Variants in MMD2 observed in about 807,000 individuals in gnomAD.
MMD2 encodes monocyte to macrophage differentiation associated 2.
MMD2 carries 30 observed loss-of-function variants against 33.5 expected under a neutral mutation model. The ratio of observed to expected loss-of-function variants is 0.90; its 90% CI spans 0.67 to 1.22. The LOEUF (loss-of-function observed/expected upper bound fraction) is 1.22, where lower values mean the gene tolerates loss of function less well. Among genes scored for constraint, MMD2 ranks in the 50% most tolerant of loss-of-function variants. The pLI is 0.00. For synonymous variants in MMD2, 129 were observed against 123.0 expected, an observed-to-expected ratio of 1.05 and a Z score of -0.32; for missense variants, 364 against 325.4, an observed-to-expected ratio of 1.12 and a Z score of -0.91.
In MMD2 at chr7:4,911,174, GC is replaced by G; in HGVS notation, c.437del (p.Gly146AlafsTer22). On this transcript the variant is annotated frameshift_variant, in exon 5 of 7. Transcript: ENST00000401401. LOFTEE classifies it high-confidence loss of function. ...RWLVWIMASV[G>X]TIYVFFFHER... is the part of the protein sequence containing the mutation. ...CATGGAAGAAGAAGACATAGATGGT[GC>G]CCACGGAAGCCATAATCCAGACCAG... is the stretch of plus-strand genomic sequence containing the variant. The G allele has an allele frequency of 6.3e-7, 1 of 1,594,234 alleles. No homozygotes were observed. The highest frequency in any genetic ancestry group is 8.5e-7 in the Non-Finnish European group (1 of 1,171,382).
In MMD2 at chr7:4,907,169, T is replaced by C. The variant is rs149055656; in HGVS notation, c.*227A>G. On this transcript the variant is annotated 3_prime_UTR_variant, in exon 7 of 7. Coordinates refer to ENST00000401401, the MANE Select transcript of MMD2 (RefSeq NM_198403.4). ...TGTATTAGGAAACACTCATCTAAAA[T>C]AGAAACACATTACAGGGTTAATTTC... The C allele has an allele frequency of 3.8e-4, 204 of 543,910 alleles. 3 individuals are homozygous for C. The East Asian group carries it at 6.0e-3, about 16-fold the overall frequency. The allele number at this position is 543,910 out of a possible 1,614,324, so 33.7% of individuals were successfully genotyped here. A position where few individuals can be genotyped will look rare whatever the true frequency, so the allele number is the denominator to read the frequency against.
chr7:4,911,750 G>A (rs1583357932), intron 4 of MMD2, among the ~76,000 whole-genome samples: 1 of 151,998 alleles, frequency 6.6e-6, no homozygotes, highest in Non-Finnish European at 1.5e-5. Flanking sequence ...CCGGGTTCAA[G>A]CGATTCTCCT....
chr7:4,958,039 G>T (rs1005929091), intron 1 of MMD2, among the ~76,000 whole-genome samples: 4 of 152,106 alleles, frequency 2.6e-5, no homozygotes, highest in Admixed American at 2.0e-4. Context: ...CCACCCACTG[G>T]AGCCTCAGCA....
At chr7:4,917,823 A>C (rs1785180166) in intron 3 of MMD2, among the ~76,000 whole-genome samples, 1 of 152,204 alleles carries the variant, frequency 6.6e-6, no homozygotes, top group Non-Finnish European at 1.5e-5. Flanking sequence ...CAGCCTCCAC[A>C]ATGGTGCCAA....
rs372830197 is a variant in MMD2, at chr7:4,911,206, G to A, written c.406C>T (p.Arg136Cys). 39 of 1,601,936 alleles carry A rather than the reference G, an allele frequency of 2.4e-5. 1 individual carries two copies. The Middle Eastern group carries it at 1.3e-3, about 54-fold the overall frequency. ...RELGPWASHM[R>C]WLVWIMASVG... ...GAAGCCATAATCCAGACCAGCCAGC[G>A]CATGTGGGAGGCCCAGGGGCCCAGC... The change falls in exon 5 of 7, where the codon CGC becomes TGC. Residue 136 changes from arginine to cysteine, a missense_variant. Transcript: ENST00000401401.
intron 1 of MMD2, among the ~76,000 whole-genome samples, chr7:4,927,607 T>A (rs986590893): frequency 6.6e-6 from 1 of 152,016 alleles, no homozygotes; most frequent in African/African-American, 2.4e-5. Flanking sequence ...CTTGGGAGGC[T>A]GAGGCAGGAG....
At chr7:4,932,817 G>A (rs931765557) in intron 1 of MMD2, among the ~76,000 whole-genome samples, 2 of 151,804 alleles carry the variant, frequency 1.3e-5, no homozygotes, top group African/African-American at 4.8e-5. Flanking sequence ...GAAACAGGGG[G>A]TCTCATCATG....
intron 1 of MMD2, among the ~76,000 whole-genome samples, chr7:4,953,176 C>T (rs191207265): frequency 1.1e-3 from 162 of 151,870 alleles, no homozygotes; most frequent in African/African-American, 3.8e-3. Context: ...CTCACCTGGA[C>T]GTATTCCTAT....
At position 4,949,161 on chromosome 7, in the gene MMD2, G is replaced by T. The variant is rs199688951; in HGVS notation, c.47+9810C>A. 5.9e-5 allele frequency among the ~76,000 whole-genome samples: 9 copies of T among 151,740 alleles called. No individual in the cohort carries two copies. The East Asian group carries it at 1.7e-3, about 29-fold the overall frequency. On this transcript the variant is annotated intron_variant, in intron 1 of 6. Transcript: ENST00000401401. ...GGAGGCAAAGGTTGCAGTGAGCCGA[G>T]ATCACACAGCTGTACTCTAGCCTGG... is the stretch of plus-strand genomic sequence containing the variant.
At chr7:4,918,030 A>C (rs1338343772) in intron 3 of MMD2, among the ~76,000 whole-genome samples, 1 of 152,216 alleles carries the variant, frequency 6.6e-6, no homozygotes, top group Non-Finnish European at 1.5e-5. Flanking sequence ...GTGGCTGTGA[A>C]GACAGCCACA....
intron 1 of MMD2, among the ~76,000 whole-genome samples, chr7:4,958,618 G>C (rs1006749031): frequency 6.6e-6 from 1 of 152,194 alleles, no homozygotes; most frequent in African/African-American, 2.4e-5. Flanking sequence ...GCTGGCCTGG[G>C]CTCCAGGCGC....
chr7:4,906,693 G>T lies in MMD2; in HGVS notation c.*703C>A. 2.5e-6 allele frequency: 1 copy of T among 397,146 alleles called. No individual in the cohort carries two copies. Among genetic ancestry groups the T allele is most frequent in the Non-Finnish European group, 4.4e-6 (1 of 225,584 alleles). 24.6% of individuals were successfully genotyped at this position (397,146 alleles called of 1,614,324 possible). Reference sequence around the variant, plus strand: ...GCCTACTCCAGGAGTTTCCCAAAAGGGAGGGGGAGATGAGGAGATAGGCAT... The same window carrying T: ...GCCTACTCCAGGAGTTTCCCAAAAGTGAGGGGGAGATGAGGAGATAGGCAT... On this transcript the variant is annotated 3_prime_UTR_variant, in exon 7 of 7. Transcript: ENST00000401401.
At chr7:4,930,379 C>T (rs1300793610) in intron 1 of MMD2, among the ~76,000 whole-genome samples, 1 of 151,612 alleles carries the variant, frequency 6.6e-6, no homozygotes, top group Non-Finnish European at 1.5e-5. Context: ...GTGGCTCACA[C>T]CTGTAATCCC....
intron 4 of MMD2, among the ~76,000 whole-genome samples, chr7:4,912,511 A>G (rs1176710578): frequency 6.6e-6 from 1 of 151,400 alleles, no homozygotes; most frequent in Non-Finnish European, 1.5e-5. Flanking sequence ...GTAGTGAGCC[A>G]AGATCGCGCC....
rs181659840 is a variant in MMD2 at position 4,927,023 on chromosome 7, C to T, written c.48-1491G>A. 2.2e-3 allele frequency among the ~76,000 whole-genome samples: 341 copies of T among 151,928 alleles called. 1 individual carries two copies. Among genetic ancestry groups the T allele is most frequent in the African/African-American group, 7.5e-3 (312 of 41,472 alleles). On this transcript the variant is annotated intron_variant, in intron 1 of 6. Transcript: ENST00000401401. ...CCTCCCAAAGTGCTGGATTTACAGG[C>T]GTGAGCCACCGCGCCCGGCCAAGCA...
At position 4,940,712 on chromosome 7, in the gene MMD2, C is replaced by T. The variant is rs558697533; in HGVS notation, c.48-15180G>A. ...ATGGTCATGAAATAAAATCCTGGGG[C>T]AGACAGTGATGGGAACAGGAAGGGG... On this transcript the variant is annotated intron_variant, in intron 1 of 6. Coordinates refer to ENST00000401401, the MANE Select transcript of MMD2 (RefSeq NM_198403.4). The surrounding 1 kb of genome is among the most constrained non-coding windows in gnomAD (Gnocchi z 5.0). 2.0e-5 allele frequency among the ~76,000 whole-genome samples: 3 copies of T among 152,140 alleles called. No individual in the cohort carries two copies. Among genetic ancestry groups the T allele is most frequent in the Non-Finnish European group, 4.4e-5 (3 of 68,026 alleles).
chr7:4,947,266 T>TACAGGAAG (rs1439058523), intron 1 of MMD2, among the ~76,000 whole-genome samples: 2 of 152,016 alleles, frequency 1.3e-5, no homozygotes, highest in African/African-American at 4.8e-5. Flanking sequence ...CTGCAGGCTG[T>TACAGGAAG]ACAGGAAGCA....
At chr7:4,937,397 A>G (rs536997879) in intron 1 of MMD2, among the ~76,000 whole-genome samples, 5 of 151,964 alleles carry the variant, frequency 3.3e-5, no homozygotes, top group Non-Finnish European at 5.9e-5. Flanking sequence ...ACTCTGTCAC[A>G]AAAAGAAAAA....
chr7:4,910,978 G>C (rs1784991425), intron 5 of MMD2, among the ~76,000 whole-genome samples, 167 bp downstream of exon 5: 1 of 152,104 alleles, frequency 6.6e-6, no homozygotes, highest in Non-Finnish European at 1.5e-5. Flanking sequence ...GTTGACCCTA[G>C]GGTCTGCAAG....
Sources: allele counts gnomAD v4.1 joint callset (sites outside exome capture counted in the v4.1 genomes callset), GRCh38; gene constraint gnomAD v4.1.1; non-coding constraint Gnocchi (gnomAD v3.1); transcripts MANE v1.5; gene names NCBI Gene and HGNC (gene_info 2026-07-23, HGNC 2026-07-21).